ART5: variants seen among roughly 807,000 people sequenced by gnomAD.
The protein encoded by ART5 is ADP-ribosyltransferase 5.
A neutral mutation model predicts 25.0 loss-of-function variants in ART5; 22 were observed. The observed-to-expected ratio is 0.88, with a 90% CI of 0.63 to 1.26. The LOEUF is 1.26. ART5 is among the 50% of genes most tolerant of loss of function. ART5 has a pLI of 0.00. For missense variants in ART5, 402 were observed against 372.8 expected (o/e 1.08, Z -0.64); for synonymous variants, 161 against 154.8 (o/e 1.04, Z -0.30).
At chr11:3,641,637 C>G (rs538952277) in intron 1 of ART5, among the ~76,000 whole-genome samples, 169 bp downstream of exon 1, 43 of 152,238 alleles carry the variant, frequency 2.8e-4, no homozygotes, top group African/African-American at 8.7e-4. Context: ...AGAATGGGAA[C>G]TTGGGGCTCC....
chr11:3,642,145 C>A, upstream of ART5: 1 of 1,287,406 alleles, frequency 7.8e-7, no homozygotes. Flanking sequence ...TTGGCTCCGC[C>A]TGAGAGGGGA....
chr11:3,639,004 T>C lies in ART5; in HGVS notation c.819A>G (p.Pro273=), dbSNP rs371744859. Residue 273 remains proline, a splice_region_variant and synonymous_variant, in exon 3 of 4, where the codon CCA becomes CCG. Transcript: ENST00000397068. ...AAGGAGGATGGAAGGGCAACTCACC[T>C]GGCGCAGACACACAGCCCCGCCTCT... ...GEKRRGCVSA[P]GALGTGDLHM... 4 of 1,553,860 alleles carry C rather than the reference T, an allele frequency of 2.6e-6. No individual in the cohort carries two copies. The African/African-American group carries it at 5.5e-5, about 21-fold the overall frequency.
In ART5 at chr11:3,641,958, T is replaced by C. The variant is rs977551941; in HGVS notation, c.-96A>G. 1.3e-5 allele frequency: 19 copies of C among 1,507,288 alleles called. No homozygotes were observed. Among genetic ancestry groups the C allele is most frequent in the Non-Finnish European group, 1.5e-5 (17 of 1,125,922 alleles). The allele number at this position is 1,507,288 out of a possible 1,614,324, so 93.4% of individuals were successfully genotyped here. A position where few individuals can be genotyped will look rare whatever the true frequency, so the allele number is the denominator to read the frequency against. On this transcript the variant is annotated 5_prime_UTR_variant, in exon 1 of 4. Coordinates refer to ENST00000397068, the MANE Select transcript of ART5 (RefSeq NM_053017.5). ...AGGGGCTGGAGGCAGATCTGGACCC[T>C]GTCTCCAGGCGCACGGGATCCCGGG...
At chr11:3,639,058 G>A in intron 2 of ART5, 23 bp from the exon 3 acceptor site, 1 of 1,550,454 alleles carries the variant, frequency 6.4e-7, no homozygotes, top group African/African-American at 1.4e-5. Flanking sequence ...GCAGGGTGAG[G>A]CCTCCGCGTG....
chr11:3,640,191 G>T lies in ART5; in HGVS notation c.238C>A (p.Arg80=), dbSNP rs376288672. ...AAQETWEDKR[R]GLTLPPGFKA... ...AAGCCAGGGGGCAAGGTAAGCCCTC[G>T]ACGCTTGTCCTCCCAGGTCTCCTGG... The change falls in exon 2 of 4, where the codon CGA becomes AGA. Residue 80 remains arginine, a synonymous_variant. Coordinates refer to ENST00000397068, the MANE Select transcript of ART5 (RefSeq NM_053017.5). 6.2e-7 allele frequency: 1 copy of T among 1,613,996 alleles called. No individual in the cohort carries two copies. Among genetic ancestry groups the T allele is most frequent in the Non-Finnish European group, 8.5e-7 (1 of 1,180,048 alleles).
At position 3,639,987 on chromosome 11, in the gene ART5, C is replaced by T; in HGVS notation, c.442G>A (p.Gly148Arg). ...TCCCCAGGTCCCCTGCTGCAGCCCC[C>T]ACTGCCTCGCAGCAGCTGCAGGGCC... is the stretch of plus-strand genomic sequence containing the variant. ...IRALQLLRGS[G>R]GCSRGPGEVV... The change falls in exon 2 of 4, where the codon GGG becomes AGG. Residue 148 changes from glycine to arginine, a missense_variant. Gly to Arg is a moderately radical substitution (Grantham distance 125, BLOSUM62 -2). Transcript: ENST00000397068. 2 of 1,614,180 alleles carry T rather than the reference C, an allele frequency of 1.2e-6. No individual in the cohort carries two copies. Among genetic ancestry groups the T allele is most frequent in the Non-Finnish European group, 8.5e-7 (1 of 1,180,040 alleles).
Position 3,639,818 on chromosome 11 carries a change from G to C in ART5, c.611C>G (p.Thr204Ser). ...GGCCTGTATAGGGGCCCCAAAGCAA[G>C]TTGTTAGAGAGAAGAGGGTGGCATT... Reference protein sequence around the residue: ...FGNATLFSLTTCFGAPIQAFS... With the variant: ...FGNATLFSLTSCFGAPIQAFS... Residue 204 changes from threonine to serine, a missense_variant, in exon 2 of 4, where the codon ACT (threonine) becomes AGT (serine). By Grantham distance (58) the Thr-to-Ser change is moderately conservative. Transcript: ENST00000397068. 1 of 1,614,216 alleles carries C rather than the reference G, an allele frequency of 6.2e-7. No homozygotes were observed. The highest frequency in any genetic ancestry group is 8.5e-7 in the Non-Finnish European group (1 of 1,180,042).
In ART5 at chr11:3,638,609, T is replaced by C. The variant is rs933731780; in HGVS notation, c.*129A>G. ...CAATCAAGTGGCTGCCTCAGTACTT[T>C]CCTTGCTTGTCCCAGGAAGTCCCCA... On this transcript the variant is annotated 3_prime_UTR_variant, in exon 4 of 4. Coordinates refer to ENST00000397068, the MANE Select transcript of ART5 (RefSeq NM_053017.5). The C allele has an allele frequency of 5.1e-6, 6 of 1,176,160 alleles. No homozygotes were observed. The highest frequency in any genetic ancestry group is 7.5e-6 in the Non-Finnish European group (6 of 798,624). 72.9% of individuals were successfully genotyped at this position (1,176,160 alleles called of 1,614,324 possible).
rs1259873623 is a variant in ART5 at position 3,640,266 on chromosome 11, T to C, written c.163A>G (p.Lys55Glu). 5 of 1,613,454 alleles carry C rather than the reference T, an allele frequency of 3.1e-6. No homozygotes were observed. In the African/African-American group the frequency reaches 6.7e-5, roughly 22 times the overall value. Residue 55 changes from lysine to glutamate, a missense_variant, in exon 2 of 4, where the codon AAG (lysine) becomes GAG (glutamate). By Grantham distance (56) the Lys-to-Glu change is moderately conservative (BLOSUM62 1). Coordinates refer to ENST00000397068, the MANE Select transcript of ART5 (RefSeq NM_053017.5). ...AGGGCATGGTGGGCCATTTCCTCCT[T>C]TAGCAGGGGGGCTGCCTTCTCCTCC... ...EMEEKAAPLLKEEMAHHALLR... is the reference protein window; with the variant it reads ...EMEEKAAPLLEEEMAHHALLR...
chr11:3,639,804 G>C lies in ART5; in HGVS notation c.625C>G (p.Pro209Ala), dbSNP rs760036205. 6.2e-7 allele frequency: 1 copy of C among 1,614,194 alleles called. No homozygotes were observed. Among genetic ancestry groups the C allele is most frequent in the East Asian group, 2.2e-5 (1 of 44,876 alleles). The part of the protein sequence containing the change: ...LFSLTTCFGA[P>A]IQAFSVFPKE... ...GGAAAGACAGAGAAGGCCTGTATAGGGGCCCCAAAGCAAGTTGTTAGAGAG... is the reference window on the plus strand; with the variant it reads ...GGAAAGACAGAGAAGGCCTGTATAGCGGCCCCAAAGCAAGTTGTTAGAGAG... The change falls in exon 2 of 4, where the codon CCT (proline) becomes GCT (alanine). Residue 209 changes from proline to alanine, a missense_variant. Coordinates refer to ENST00000397068, the MANE Select transcript of ART5 (RefSeq NM_053017.5).
intron 1 of ART5, among the ~76,000 whole-genome samples, chr11:3,640,765 G>GAA (rs2077384889): frequency 6.6e-6 from 1 of 151,922 alleles, no homozygotes. Context: ...TCTTTGAGAC[G>GAA]AAGTCTCGCT....
At chr11:3,642,050 A>G (rs1002746217), upstream of ART5, 4 of 1,424,454 alleles carry the variant, frequency 2.8e-6, no homozygotes, top group Non-Finnish European at 3.7e-6. Flanking sequence ...CCCCGCCCCA[A>G]GTCTCCGCCC....
chr11:3,638,959 A>C, intron 3 of ART5, 44 bp downstream of exon 3: 2 of 1,566,676 alleles, frequency 1.3e-6, no homozygotes, highest in Non-Finnish European at 1.7e-6. Flanking sequence ...CAGCAGGGTG[A>C]GGGGGAGTCA....
intron 1 of ART5, 51 bp from the exon 2 acceptor site, chr11:3,640,422 T>G: frequency 6.6e-7 from 1 of 1,521,048 alleles, no homozygotes; most frequent in Non-Finnish European, 8.8e-7. Flanking sequence ...TTCAGAGCAC[T>G]GGACATGGGT....
rs1351176521 is a variant in ART5, at chr11:3,640,364, G to A, written c.65C>T (p.Ala22Val). ...CAGGCCCAGGGGCAGGATGGGAACAGCCTGGGCCTGTGGAGCAAAAGAGGT... is the reference window on the plus strand; with the variant it reads ...CAGGCCCAGGGGCAGGATGGGAACAACCTGGGCCTGTGGAGCAAAAGAGGT... ...SLGLHTWQAQAVPILPLGLAP... is the reference protein window; with the variant it reads ...SLGLHTWQAQVVPILPLGLAP... Residue 22 changes from alanine to valine, a missense_variant, in exon 2 of 4, where the codon GCT becomes GTT. Physicochemically the swap from Ala to Val is moderately conservative, Grantham distance 64 (BLOSUM62 0). Transcript: ENST00000397068. 1.9e-6 allele frequency: 3 copies of A among 1,549,020 alleles called. No homozygotes were observed. The highest frequency in any genetic ancestry group is 1.7e-6 in the Non-Finnish European group (2 of 1,145,584).
chr11:3,642,033 G>A, upstream of ART5: 1 of 1,432,364 alleles, frequency 7.0e-7, no homozygotes, highest in Non-Finnish European at 9.1e-7. Flanking sequence ...GGAGTTTATT[G>A]CCCGCCCCCC....
intron 1 of ART5, among the ~76,000 whole-genome samples, 184 bp downstream of exon 1, chr11:3,641,622 G>T (rs1391826620): frequency 6.6e-6 from 1 of 152,160 alleles, no homozygotes; most frequent in Non-Finnish European, 1.5e-5. Context: ...GGGGTTCTAG[G>T]AGACAGAATG....
chr11:3,639,705 T>C lies in ART5; in HGVS notation c.724A>G (p.Ser242Gly). Reference sequence around the variant, plus strand: ...TTATAGCTCCAGAGAGTCACCAAGCTCTGGGCTCCATCCTGAGAGAATCTG... The same window carrying C: ...TTATAGCTCCAGAGAGTCACCAAGCCCTGGGCTCCATCCTGAGAGAATCTG... ...VTRFSQDGAQ[S>G]LVTLWSYNQT... The change falls in exon 2 of 4, where the codon AGC (serine) becomes GGC (glycine). Residue 242 changes from serine to glycine, a missense_variant. Transcript: ENST00000397068. The C allele has an allele frequency of 6.2e-7, 1 of 1,613,870 alleles. No individual in the cohort carries two copies. Among genetic ancestry groups the C allele is most frequent in the Non-Finnish European group, 8.5e-7 (1 of 1,180,006 alleles).
chr11:3,642,323 T>C, upstream of ART5: 1 of 994,406 alleles, frequency 1.0e-6, no homozygotes, highest in African/African-American at 1.7e-5. Flanking sequence ...CGACACCCCT[T>C]TCCCAGCGCC....
Sources: gnomAD v4.1 joint callset for allele counts (sites outside exome capture counted in the v4.1 genomes callset) on GRCh38, gnomAD v4.1.1 for gene constraint, MANE v1.5 for transcripts, NCBI Gene and HGNC (gene_info 2026-07-23, HGNC 2026-07-21) for gene names.